Variants in NEBL observed in about 807,000 individuals in gnomAD.
NEBL encodes the protein nebulette.
Under a neutral mutation model 140.2 loss-of-function variants are expected in NEBL, and 122 were observed. The ratio of observed to expected loss-of-function variants is 0.87; its 90% CI spans 0.75 to 1.01. The LOEUF is 1.01. Ranked by LOEUF, NEBL falls within the 50% of genes least tolerant of loss-of-function variation. The pLI is 0.00. For missense variants in NEBL, 1,365 were observed against 1,231.3 expected, an observed-to-expected ratio of 1.11 and a Z score of -1.62; for synonymous variants, 436 against 398.9, an observed-to-expected ratio of 1.09 and a Z score of -1.11.
At chr10:20,902,866 A>C (rs937228799) in intron 4 of NEBL, among the ~76,000 whole-genome samples, 10 of 152,188 alleles carry the variant, frequency 6.6e-5, no homozygotes, top group Non-Finnish European at 1.2e-4. Context: ...TCCCTTTCCT[A>C]GAGTTTTATG....
At chr10:21,017,795 G>A (rs1045646520) in intron 3 of NEBL, among the ~76,000 whole-genome samples, 2 of 151,754 alleles carry the variant, frequency 1.3e-5, no homozygotes, top group African/African-American at 2.4e-5. Context: ...AAAGCACTAC[G>A]GAGTCCAATC....
At chr10:20,851,335 G>T (rs1842493042) in intron 10 of NEBL, among the ~76,000 whole-genome samples, 1 of 151,962 alleles carries the variant, frequency 6.6e-6, no homozygotes, top group Non-Finnish European at 1.5e-5. Flanking sequence ...CAACCCAAGA[G>T]AAATTTTTCA....
At chr10:21,216,498 C>T (rs561708260) in intron 3 of NEBL, among the ~76,000 whole-genome samples, 24 of 152,030 alleles carry the variant, frequency 1.6e-4, no homozygotes, top group African/African-American at 5.8e-4. Flanking sequence ...TTGGGCCAGG[C>T]GCAGTGGTTC....
At position 20,897,184 on chromosome 10, in the gene NEBL, C is replaced by G; in HGVS notation, c.22G>C (p.Asp8His). MRVPVFE[D>H]IKDETEEEKI... is the part of the protein sequence containing the mutation. ...TCTTCTTCAGTTTCATCTTTTATAT[C>G]CTCAAATACAGGGACCCTCATTTTT... Residue 8 changes from aspartate (D) to histidine (H), a missense_variant, in exon 1 of 28, where the codon GAT (aspartate) becomes CAT (histidine). Around this residue, in one of 2 missense-constraint regions of NEBL, gnomAD observed 1,323 missense variants for 1,154.8 expected, o/e 1.15. Coordinates refer to ENST00000377122, the MANE Select transcript of NEBL (RefSeq NM_006393.3). 5 of 1,603,374 alleles carry G rather than the reference C, an allele frequency of 3.1e-6. No individual in the cohort carries two copies. The highest frequency in any genetic ancestry group is 3.4e-6 in the Non-Finnish European group (4 of 1,172,120).
At chr10:20,929,138 A>G (rs1834054520) in intron 4 of NEBL, among the ~76,000 whole-genome samples, 1 of 152,262 alleles carries the variant, frequency 6.6e-6, no homozygotes, top group South Asian at 2.1e-4. Context: ...AAAGAAATCA[A>G]CATATCAAAA....
Position 21,002,791 on chromosome 10 carries a change from A to G in NEBL, c.249+17326T>C, listed in dbSNP as rs1239889794. 3.3e-5 allele frequency among the ~76,000 whole-genome samples: 5 copies of G among 152,244 alleles called. No homozygotes were observed. In the East Asian group the frequency reaches 9.6e-4, roughly 29 times the overall value. On this transcript the variant is annotated intron_variant, in intron 3 of 6. Coordinates refer to the NEBL transcript ENST00000417816. Reference sequence around the variant, plus strand: ...AACAACAAGGGGGAAATCTGCCCCCATGATTCAATCACCTCCCACCAGGCC... The same window carrying G: ...AACAACAAGGGGGAAATCTGCCCCCGTGATTCAATCACCTCCCACCAGGCC...
chr10:20,807,460 C>A (rs1227541417), intron 26 of NEBL, among the ~76,000 whole-genome samples: 3 of 152,162 alleles, frequency 2.0e-5, no homozygotes, highest in African/African-American at 4.8e-5. Flanking sequence ...AAAAAGGAGA[C>A]CTTTAATAAA....
chr10:21,185,791 C>T (rs770545641), intron 3 of NEBL, among the ~76,000 whole-genome samples: 22 of 152,192 alleles, frequency 1.4e-4, no homozygotes, highest in African/African-American at 4.6e-4. Context: ...ACCCACTGCG[C>T]CCTACCTCTT....
intron 2 of NEBL, 97 bp downstream of exon 2, chr10:20,896,861 G>T: frequency 9.6e-7 from 1 of 1,036,698 alleles, no homozygotes; most frequent in Non-Finnish European, 1.5e-6. Context: ...GTTTTAAAAG[G>T]TGATTTCAGG....
chr10:20,800,374 T>C (rs1397716664), intron 26 of NEBL, among the ~76,000 whole-genome samples: 1 of 152,182 alleles, frequency 6.6e-6, no homozygotes, highest in Non-Finnish European at 1.5e-5. Context: ...ATTCATCCTT[T>C]GATGGGCATT....
At chr10:21,068,615 C>A (rs915570152) in intron 2 of NEBL, among the ~76,000 whole-genome samples, 10 of 152,190 alleles carry the variant, frequency 6.6e-5, no homozygotes, top group Non-Finnish European at 1.5e-4. Context: ...ACCATAGACC[C>A]CGGACCCATG....
rs1167782875 is a variant in NEBL, at chr10:21,030,594, A to G, written c.165-10393T>C. On this transcript the variant is annotated intron_variant, in intron 2 of 6. Coordinates refer to the NEBL transcript ENST00000417816. ...ACGAATACCCTACAAGTGGTGGGGG[A>G]AAAGTAACTCCAGCTCAACCGTCTG... 2.6e-5 allele frequency: 16 copies of G among 621,750 alleles called. No individual in the cohort carries two copies. The East Asian group carries it at 2.8e-4, about 11-fold the overall frequency. The allele number at this position is 621,750 out of a possible 1,614,324, so 38.5% of individuals were successfully genotyped here. A position where few individuals can be genotyped will look rare whatever the true frequency, so the allele number is the denominator to read the frequency against.
chr10:21,123,684 A>G (rs1383295440), intron 2 of NEBL, among the ~76,000 whole-genome samples: 1 of 151,614 alleles, frequency 6.6e-6, no homozygotes, highest in African/African-American at 2.4e-5. Context: ...TCCAGTCTAT[A>G]GTTCCCCTTC....
chr10:21,076,386 A>C (rs924781973), intron 2 of NEBL, among the ~76,000 whole-genome samples: 3 of 134,862 alleles, frequency 2.2e-5, no homozygotes, highest in African/African-American at 8.4e-5. Flanking sequence ...CAGAGGTTGC[A>C]GTGAGCCGAG....
intron 3 of NEBL, among the ~76,000 whole-genome samples, chr10:20,994,043 TC>T (rs1235990518): frequency 1.3e-5 from 2 of 152,158 alleles, no homozygotes; most frequent in Non-Finnish European, 2.9e-5. Context: ...CAGAATCATC[TC>T]ACAGCAGACA....
chr10:21,221,697 G>T (rs1842069545), intron 3 of NEBL, among the ~76,000 whole-genome samples: 1 of 151,982 alleles, frequency 6.6e-6, no homozygotes, highest in South Asian at 2.1e-4. Flanking sequence ...CAGAGACAGG[G>T]TTTCACCACG....
chr10:21,026,267 G>A (rs1839025538), intron 2 of NEBL, among the ~76,000 whole-genome samples: 1 of 152,156 alleles, frequency 6.6e-6, no homozygotes, highest in South Asian at 2.1e-4. Flanking sequence ...GTAGGGAGGG[G>A]AAAATACTAC....
At chr10:21,003,863 A>C (rs569337750) in intron 3 of NEBL, among the ~76,000 whole-genome samples, 1 of 152,354 alleles carries the variant, frequency 6.6e-6, no homozygotes, top group African/African-American at 2.4e-5. Flanking sequence ...TTCTTGGGGA[A>C]GAAATGTATG....
intron 3 of NEBL, among the ~76,000 whole-genome samples, chr10:20,962,761 C>T (rs1370226752): frequency 3.3e-5 from 5 of 152,104 alleles, no homozygotes; most frequent in Non-Finnish European, 7.4e-5. Context: ...TTCAAAATTA[C>T]AAGCTTCCAA....
Sources: allele counts gnomAD v4.1 joint callset (sites outside exome capture counted in the v4.1 genomes callset), GRCh38; gene constraint gnomAD v4.1.1; regional missense constraint gnomAD v4.1.1; transcripts MANE v1.5; gene names NCBI Gene and HGNC (gene_info 2026-07-23, HGNC 2026-07-21).